CDH17: variants seen among roughly 807,000 people sequenced by gnomAD.
CDH17 encodes cadherin 17, also known as cadherin-17.
Under a neutral mutation model 86.3 loss-of-function variants are expected in CDH17, and 67 were observed. That is an observed-to-expected ratio of 0.78 (90% CI 0.64 to 0.95). The LOEUF is 0.95. Ranked by LOEUF, CDH17 falls within the 40% of genes least tolerant of loss-of-function variation. The pLI is 0.00. For synonymous variants in CDH17, 367 were observed against 366.4 expected (o/e 1.00, Z -0.02); for missense variants, 993 against 1,017.6 (o/e 0.98, Z 0.33).
At chr8:94,176,451 G>T in intron 5 of CDH17, 90 bp downstream of exon 5, 1 of 1,373,128 alleles carries the variant, frequency 7.3e-7, no homozygotes, top group Non-Finnish European at 1.0e-6. Flanking sequence ...CTTATTGAGT[G>T]ACAGCTGCAG....
At chr8:94,143,671 T>C (rs964792766) in intron 15 of CDH17, among the ~76,000 whole-genome samples, 18 of 152,228 alleles carry the variant, frequency 1.2e-4, no homozygotes, top group Non-Finnish European at 1.2e-4. Context: ...TCTGCATCAA[T>C]TTGCTGCATC....
chr8:94,165,506 T>C (rs1813134358), intron 10 of CDH17, among the ~76,000 whole-genome samples: 2 of 152,108 alleles, frequency 1.3e-5, no homozygotes, highest in Admixed American at 1.3e-4. Context: ...CCCAATAAAA[T>C]CCTCGTACAT....
chr8:94,136,669 A>G (rs936288258), intron 15 of CDH17, among the ~76,000 whole-genome samples: 4 of 152,174 alleles, frequency 2.6e-5, no homozygotes, highest in African/African-American at 9.7e-5. Context: ...TTCTCCATCC[A>G]GCTTTGTTCC....
intron 17 of CDH17, among the ~76,000 whole-genome samples, chr8:94,128,898 T>C (rs1812354303): frequency 6.6e-6 from 1 of 152,106 alleles, no homozygotes; most frequent in Non-Finnish European, 1.5e-5. Flanking sequence ...TTAACCTTCT[T>C]GGTTTCTCCC....
At chr8:94,148,642 T>A in intron 14 of CDH17, 102 bp downstream of exon 14, 1 of 938,950 alleles carries the variant, frequency 1.1e-6, no homozygotes, top group Non-Finnish European at 1.5e-6. Context: ...TATTCTGGTG[T>A]TTTGGCCCTG....
chr8:94,162,585 C>T (rs1012756204), intron 10 of CDH17, among the ~76,000 whole-genome samples: 1 of 152,216 alleles, frequency 6.6e-6, no homozygotes, highest in Non-Finnish European at 1.5e-5. Flanking sequence ...CTTCTCTGAA[C>T]ACATCCAACC....
At chr8:94,144,906 T>A (rs1812710110) in intron 15 of CDH17, among the ~76,000 whole-genome samples, 1 of 152,168 alleles carries the variant, frequency 6.6e-6, no homozygotes, top group Non-Finnish European at 1.5e-5. Context: ...TATGAAAAGA[T>A]GCTCAACACC....
intron 3 of CDH17, among the ~76,000 whole-genome samples, chr8:94,188,092 G>T (rs1554589510): frequency 6.6e-6 from 1 of 152,042 alleles, no homozygotes; most frequent in African/African-American, 2.4e-5. Flanking sequence ...CATTGGTGGG[G>T]GCTCATTCCT....
At position 94,173,911 on chromosome 8, in the gene CDH17, G is replaced by C; in HGVS notation, c.669C>G (p.Ser223=). The C allele has an allele frequency of 6.2e-7, 1 of 1,613,562 alleles. No individual in the cohort carries two copies. The highest frequency in any genetic ancestry group is 2.2e-5 in the East Asian group (1 of 44,842). ...TATCCACAGATGTGGTATCACTGAA[G>C]GAATTCTCACTCTGGCCTCCCATGT... ...VKDMGGQSEN[S]FSDTTSVDII... Residue 223 remains serine (S), a synonymous_variant, in exon 7 of 18, where the codon TCC becomes TCG. Transcript: ENST00000027335.
chr8:94,166,247 G>T (rs569614891), intron 9 of CDH17, among the ~76,000 whole-genome samples: 1 of 152,168 alleles, frequency 6.6e-6, no homozygotes, highest in African/African-American at 2.4e-5. Flanking sequence ...TGCAATCAAG[G>T]TGTTGCTGGG....
chr8:94,145,779 T>C, intron 15 of CDH17, 149 bp downstream of exon 15: 1 of 796,616 alleles, frequency 1.3e-6, no homozygotes, highest in African/African-American at 1.7e-5. Context: ...CCCTCTGGAG[T>C]CCTTCCCTGT....
rs1245053202 is a variant in CDH17, at chr8:94,199,073, ATATATATATATTTTT to A, written c.-20-4383_-20-4369del. 2.4e-3 allele frequency among the ~76,000 whole-genome samples: 32 copies of A among 13,516 alleles called. 2 individuals are homozygous for A. Among genetic ancestry groups the A allele is most frequent in the South Asian group, 5.1e-3 (3 of 590 alleles). The allele number at this position is 13,516 out of a possible 152,430, so 8.9% of individuals were successfully genotyped here. A position where few individuals can be genotyped will look rare whatever the true frequency, so the allele number is the denominator to read the frequency against. On this transcript the variant is annotated intron_variant, in intron 1 of 17. Coordinates refer to ENST00000027335, the MANE Select transcript of CDH17 (RefSeq NM_004063.4). ...TATATATATATATATATATATATAT[ATATATATATATTTTT>A]TTTTTTTTATCATTTGTCTGTTAGC... is the stretch of plus-strand genomic sequence containing the variant.
intron 12 of CDH17, among the ~76,000 whole-genome samples, chr8:94,154,742 C>G (rs1812915266): frequency 6.6e-6 from 1 of 152,118 alleles, no homozygotes; most frequent in Non-Finnish European, 1.5e-5. Flanking sequence ...CCTAATAGAT[C>G]TAAGTGTTGA....
chr8:94,141,133 T>C (rs1812628907), intron 15 of CDH17, among the ~76,000 whole-genome samples: 1 of 152,070 alleles, frequency 6.6e-6, no homozygotes, highest in Non-Finnish European at 1.5e-5. Flanking sequence ...GTAGGCTTTA[T>C]CCCAGGAATA....
chr8:94,132,631 A>C (rs1812441828), intron 15 of CDH17, among the ~76,000 whole-genome samples: 1 of 152,052 alleles, frequency 6.6e-6, no homozygotes, highest in Non-Finnish European at 1.5e-5. Context: ...GTTCACTCTG[A>C]TGGTAGTTTC....
At chr8:94,148,384 A>G (rs995696200) in intron 14 of CDH17, among the ~76,000 whole-genome samples, 1 of 151,958 alleles carries the variant, frequency 6.6e-6, no homozygotes, top group Admixed American at 6.6e-5. Context: ...TCTACTAAAA[A>G]TACAAAAATT....
intron 14 of CDH17, among the ~76,000 whole-genome samples, chr8:94,146,760 T>C (rs1042686055): frequency 9.9e-5 from 15 of 152,244 alleles, no homozygotes; most frequent in African/African-American, 3.1e-4. Context: ...ACCTACGTTA[T>C]AGTGTTGTAT....
intron 15 of CDH17, among the ~76,000 whole-genome samples, chr8:94,141,406 C>G (rs1269053161): frequency 1.3e-5 from 2 of 152,044 alleles, no homozygotes; most frequent in South Asian, 4.1e-4. Context: ...AGATCATGAA[C>G]AAGTCAAGTA....
In CDH17 at chr8:94,189,206, G is replaced by A. The variant is rs771839915; in HGVS notation, c.131C>T (p.Pro44Leu). The A allele has an allele frequency of 1.1e-5, 18 of 1,612,648 alleles. No individual in the cohort carries two copies. Among genetic ancestry groups the A allele is most frequent in the East Asian group, 2.2e-5 (1 of 44,826 alleles). The change falls in exon 3 of 18, where the codon CCG (proline) becomes CTG (leucine). Residue 44 changes from proline (P) to leucine (L), a missense_variant. Transcript: ENST00000027335. ...TTTTACCTGGAATATAATTTGACTC[G>A]GTTCTTGGCCTTCATAAATAGAAAA... ...MTFSIYEGQE[P>L]SQIIFQFKAN...
Sources: allele counts gnomAD v4.1 joint callset (sites outside exome capture counted in the v4.1 genomes callset), GRCh38; gene constraint gnomAD v4.1.1; transcripts MANE v1.5; gene names NCBI Gene and HGNC (gene_info 2026-07-23, HGNC 2026-07-21).